The following KLHL29 variants were observed in gnomAD, a reference collection of about 807,000 sequenced individuals.
The protein encoded by KLHL29 is kelch-like protein 29.
In KLHL29, 21 loss-of-function variants were observed where a neutral mutation model predicts 80.4. The ratio of observed to expected loss-of-function variants is 0.26; its 90% CI spans 0.19 to 0.38. KLHL29 has a LOEUF of 0.38. KLHL29 is among the 10% of genes least tolerant of loss of function. The pLI is 1.00. For missense variants in KLHL29, 867 were observed against 1,223.9 expected (o/e 0.71, Z 4.35); for synonymous variants, 511 against 526.8 (o/e 0.97, Z 0.41).
intron 3 of KLHL29, among the ~76,000 whole-genome samples, chr2:23,630,363 G>A (rs1004437846): frequency 2.6e-5 from 4 of 152,212 alleles, no homozygotes; most frequent in African/African-American, 9.6e-5. Flanking sequence ...GGCCACAGCC[G>A]GGGAGGCTGG....
At chr2:23,552,286 T>G (rs952632021) in intron 2 of KLHL29, among the ~76,000 whole-genome samples, 1 of 152,228 alleles carries the variant, frequency 6.6e-6, no homozygotes, top group Non-Finnish European at 1.5e-5. Flanking sequence ...CCATGCTGGC[T>G]GTGCGCGTGG....
intron 1 of KLHL29, among the ~76,000 whole-genome samples, chr2:23,420,677 C>T (rs1456731221): frequency 6.6e-6 from 1 of 152,196 alleles, no homozygotes; most frequent in Non-Finnish European, 1.5e-5. Context: ...CTCCTGGTGC[C>T]AGGGTGTCTG....
Position 23,681,467 on chromosome 2 carries a change from G to A in KLHL29, c.941-2932G>A, listed in dbSNP as rs1347106113. On this transcript the variant is annotated intron_variant, in intron 5 of 13. Transcript: ENST00000486442. The surrounding 1 kb of genome is among the most constrained non-coding windows in gnomAD (Gnocchi z 4.2). ...CATTGCCGGGACCTCGATTTGAAAG[G>A]AAGGTCTTCAGAAACCCTCAGGATG... Among the ~76,000 whole-genome samples, 3 of 152,176 alleles carry A rather than the reference G, an allele frequency of 2.0e-5. No homozygotes were observed. Among genetic ancestry groups the A allele is most frequent in the Non-Finnish European group, 4.4e-5 (3 of 68,034 alleles).
At chr2:23,625,720 G>A (rs1002476614) in intron 3 of KLHL29, among the ~76,000 whole-genome samples, 2 of 152,210 alleles carry the variant, frequency 1.3e-5, no homozygotes, top group Non-Finnish European at 2.9e-5. Context: ...GGACTGAATT[G>A]TGCCCCCAGC....
At chr2:23,643,106 G>A (rs997950909) in intron 5 of KLHL29, 36 of 632,680 alleles carry the variant, frequency 5.7e-5, no homozygotes, top group Non-Finnish European at 7.0e-5. Flanking sequence ...GGGAGAGCCT[G>A]CAAAGCCCAG....
At chr2:23,609,648 GA>G (rs1393830764) in intron 3 of KLHL29, among the ~76,000 whole-genome samples, 4 of 151,978 alleles carry the variant, frequency 2.6e-5, no homozygotes, top group Admixed American at 2.6e-4. Context: ...GGAATGGGGG[GA>G]TTTCAGACAT....
intron 2 of KLHL29, among the ~76,000 whole-genome samples, chr2:23,508,637 A>C (rs1431512324): frequency 1.3e-5 from 2 of 152,244 alleles, no homozygotes; most frequent in African/African-American, 4.8e-5. Flanking sequence ...AGTTTGCCAC[A>C]ATATCTCAGC....
intron 3 of KLHL29, among the ~76,000 whole-genome samples, chr2:23,624,392 C>A (rs1181771418): frequency 6.6e-6 from 1 of 152,190 alleles, no homozygotes; most frequent in Non-Finnish European, 1.5e-5. Flanking sequence ...CTCTGCCACC[C>A]CCCTTCCCAA....
At chr2:23,397,275 G>C (rs1407187584) in intron 1 of KLHL29, among the ~76,000 whole-genome samples, 1 of 152,228 alleles carries the variant, frequency 6.6e-6, no homozygotes, top group African/African-American at 2.4e-5. Flanking sequence ...CCTGGCCCTT[G>C]CCCCTCCCCA....
At chr2:23,654,179 T>TAA (rs112929224) in intron 5 of KLHL29, among the ~76,000 whole-genome samples, 10,902 of 146,300 alleles carry the variant, frequency 0.075, 426 homozygotes, top group Non-Finnish European at 0.091. Flanking sequence ...AAAATAAATT[T>TAA]AAAAAAAAAA....
At chr2:23,440,008 A>C (rs1663465266) in intron 1 of KLHL29, among the ~76,000 whole-genome samples, 1 of 150,914 alleles carries the variant, frequency 6.6e-6, no homozygotes, top group South Asian at 2.1e-4. Flanking sequence ...TATTGGGTGC[A>C]TATATATTTA....
At chr2:23,592,944 G>T (rs1005377806) in intron 3 of KLHL29, among the ~76,000 whole-genome samples, 2 of 152,170 alleles carry the variant, frequency 1.3e-5, no homozygotes, top group African/African-American at 4.8e-5. Context: ...AGGTCTTTAA[G>T]ACTTTTCCCA....
At chr2:23,416,034 C>T (rs549843304) in intron 1 of KLHL29, among the ~76,000 whole-genome samples, 1 of 152,158 alleles carries the variant, frequency 6.6e-6, no homozygotes, top group Non-Finnish European at 1.5e-5. Flanking sequence ...AGAGGCAGAT[C>T]CTAAATCATG....
chr2:23,597,155 T>C (rs1668426513), intron 3 of KLHL29, among the ~76,000 whole-genome samples: 1 of 151,688 alleles, frequency 6.6e-6, no homozygotes, highest in Non-Finnish European at 1.5e-5. Context: ...TTGCTTATCA[T>C]TTTTCCAATA....
At chr2:23,670,917 G>GCGCGCACTCTCTCTCT (rs150131401) in intron 5 of KLHL29, among the ~76,000 whole-genome samples, 5 of 18,568 alleles carry the variant, frequency 2.7e-4, no homozygotes, top group Non-Finnish European at 4.7e-4. Flanking sequence ...ACATGCACGC[G>GCGCGCACTCTCTCTCT]CTCTCTCTCT....
intron 2 of KLHL29, among the ~76,000 whole-genome samples, chr2:23,561,195 C>G (rs1667436720): frequency 6.6e-6 from 1 of 152,232 alleles, no homozygotes; most frequent in African/African-American, 2.4e-5. Context: ...TCCATGGCCT[C>G]TGAGACCGAC....
chr2:23,594,232 G>C (rs1229822826), intron 3 of KLHL29, among the ~76,000 whole-genome samples: 1 of 152,064 alleles, frequency 6.6e-6, no homozygotes, highest in Non-Finnish European at 1.5e-5. Flanking sequence ...GGAGTCGCTG[G>C]CTTCATGGAA....
intron 5 of KLHL29, among the ~76,000 whole-genome samples, chr2:23,650,070 C>G (rs376476803): frequency 6.6e-6 from 1 of 152,356 alleles, no homozygotes; most frequent in South Asian, 2.1e-4. Flanking sequence ...AGGGTGCCAA[C>G]TGCATGCCCC....
At chr2:23,439,769 GA>G (rs1310964611) in intron 1 of KLHL29, among the ~76,000 whole-genome samples, 2 of 151,432 alleles carry the variant, frequency 1.3e-5, no homozygotes, top group Non-Finnish European at 3.0e-5. Context: ...GTGTGGTGCT[GA>G]AAAAAATGTA....
Sources: allele counts gnomAD v4.1 joint callset (sites outside exome capture counted in the v4.1 genomes callset), GRCh38; gene constraint gnomAD v4.1.1; non-coding constraint Gnocchi (gnomAD v3.1); transcripts MANE v1.5; gene names NCBI Gene and HGNC (gene_info 2026-07-23, HGNC 2026-07-21).